The following PDCD10 variants were observed in gnomAD, a reference collection of about 807,000 sequenced individuals.
The protein encoded by PDCD10 is programmed cell death protein 10.
A neutral mutation model predicts 29.2 loss-of-function variants in PDCD10; 4 were observed. The observed-to-expected ratio is 0.14, with a 90% CI of 0.07 to 0.31. The LOEUF is 0.31. PDCD10 is among the 10% of genes least tolerant of loss of function. The pLI is 1.00. For missense variants in PDCD10, 183 were observed against 257.9 expected, an observed-to-expected ratio of 0.71 and a Z score of 1.99; for synonymous variants, 70 against 82.2, an observed-to-expected ratio of 0.85 and a Z score of 0.80.
chr3:167,725,577 G>C (rs1281302367), intron 2 of PDCD10: 1 of 151,456 alleles, frequency 6.6e-6, no homozygotes, highest in African/African-American at 2.4e-5. Context: ...TCCTTGACTT[G>C]CAAATTACAT....
intron 2 of PDCD10, chr3:167,725,256 C>CAAAAAAAAAAAA (rs1178264599): frequency 1.2e-5 from 1 of 84,172 alleles, no homozygotes; most frequent in African/African-American, 3.8e-5. Context: ...GACTCTGTCT[C>CAAAAAAAAAAAA]AAAAAAGAAA....
chr3:167,688,738 T>G (rs1191890534), intron 6 of PDCD10, among the ~76,000 whole-genome samples: 1 of 152,142 alleles, frequency 6.6e-6, no homozygotes, highest in Non-Finnish European at 1.5e-5. Flanking sequence ...AAGAAATGAA[T>G]AAGATGGAAA....
chr3:167,728,399 G>A (rs991178870), intron 2 of PDCD10, among the ~76,000 whole-genome samples: 1 of 152,140 alleles, frequency 6.6e-6, no homozygotes, highest in South Asian at 2.1e-4. Context: ...GTCTGAGGAG[G>A]CAGCCGGTGT....
At chr3:167,716,222 T>C (rs1262179028) in intron 3 of PDCD10, among the ~76,000 whole-genome samples, 1 of 151,812 alleles carries the variant, frequency 6.6e-6, no homozygotes, top group Non-Finnish European at 1.5e-5. Flanking sequence ...AATAAAATAA[T>C]TGAACTCATG....
chr3:167,725,766 TATATATA>T (rs1724073977), intron 2 of PDCD10, among the ~76,000 whole-genome samples: 5 of 6,438 alleles, frequency 7.8e-4, no homozygotes, highest in African/African-American at 3.5e-3. Context: ...GTATCGTTTA[TATATATA>T]TATATATATA....
At chr3:167,731,612 G>A (rs371740438) in intron 2 of PDCD10, among the ~76,000 whole-genome samples, 2 of 152,168 alleles carry the variant, frequency 1.3e-5, no homozygotes, top group African/African-American at 4.8e-5. Context: ...CATTCATTCA[G>A]CAAATATTTA....
intron 3 of PDCD10, among the ~76,000 whole-genome samples, chr3:167,711,046 A>G (rs1250221407): frequency 2.0e-5 from 3 of 152,164 alleles, no homozygotes; most frequent in African/African-American, 7.2e-5. Flanking sequence ...TCTTCCCAAG[A>G]AAGATGGGCA....
At chr3:167,703,083 G>A (rs754234726) in intron 4 of PDCD10, among the ~76,000 whole-genome samples, 6 of 151,710 alleles carry the variant, frequency 4.0e-5, no homozygotes, top group South Asian at 2.1e-4. Context: ...CTACTCCTTC[G>A]GACAGGGTCT....
At chr3:167,726,406 T>TG (rs1196299413) in intron 2 of PDCD10, among the ~76,000 whole-genome samples, 1 of 152,096 alleles carries the variant, frequency 6.6e-6, no homozygotes, top group African/African-American at 2.4e-5. Flanking sequence ...GCCAGAGTAC[T>TG]GTTTCTTAAT....
At chr3:167,719,209 GTAACAA>G (rs1723331259) in intron 3 of PDCD10, among the ~76,000 whole-genome samples, 1 of 152,034 alleles carries the variant, frequency 6.6e-6, no homozygotes, top group East Asian at 1.9e-4. Context: ...GACTATAACA[GTAACAA>G]TAAGGTTAAT....
Position 167,721,922 on chromosome 3 carries a change from G to A in PDCD10, c.-116-1649C>T, listed in dbSNP as rs118035651. On this transcript the variant is annotated intron_variant, in intron 2 of 8. Coordinates refer to ENST00000392750, the MANE Select transcript of PDCD10 (RefSeq NM_007217.4). Reference sequence around the variant, plus strand: ...AACTTAACAGACTCAGTATACCTATGTCAGAAATAAACAAGACCAAAATAA... The same window carrying A: ...AACTTAACAGACTCAGTATACCTATATCAGAAATAAACAAGACCAAAATAA... Among the ~76,000 whole-genome samples the A allele has an allele frequency of 4.9e-4, 74 of 152,216 alleles. No homozygotes were observed. The East Asian group carries it at 0.011, about 23-fold the overall frequency.
intron 3 of PDCD10, among the ~76,000 whole-genome samples, chr3:167,715,761 A>G (rs188737552): frequency 6.6e-6 from 1 of 152,208 alleles, no homozygotes; most frequent in East Asian, 1.9e-4. Context: ...ACAAGGAATA[A>G]CAAATGCTGG....
At chr3:167,714,199 G>A (rs1722787456) in intron 3 of PDCD10, among the ~76,000 whole-genome samples, 1 of 151,956 alleles carries the variant, frequency 6.6e-6, no homozygotes, top group African/African-American at 2.4e-5. Context: ...AATAACCAAG[G>A]AGATTTATCC....
chr3:167,690,469 T>C (rs756689309), intron 6 of PDCD10, among the ~76,000 whole-genome samples: 2 of 152,212 alleles, frequency 1.3e-5, no homozygotes, highest in Middle Eastern at 3.2e-3. Flanking sequence ...AATATGCAAA[T>C]GCAGATTACA....
intron 4 of PDCD10, among the ~76,000 whole-genome samples, chr3:167,700,158 T>C (rs1019864242): frequency 6.6e-6 from 1 of 152,166 alleles, no homozygotes; most frequent in Non-Finnish European, 1.5e-5. Context: ...TGTAATAAGT[T>C]TGAAGCCACC....
chr3:167,691,523 G>A (rs904124035), intron 6 of PDCD10, among the ~76,000 whole-genome samples: 2 of 152,146 alleles, frequency 1.3e-5, no homozygotes, highest in African/African-American at 4.8e-5. Flanking sequence ...TGCTAATAAT[G>A]TGGTTTTCAA....
Position 167,733,460 on chromosome 3 carries a change from A to G in PDCD10, c.-117+754T>C, listed in dbSNP as rs569570819. 2.0e-5 allele frequency among the ~76,000 whole-genome samples: 3 copies of G among 152,328 alleles called. No homozygotes were observed. In the South Asian group the frequency reaches 6.2e-4, roughly 32 times the overall value. ...CATTCTTCAATGTAAAGTAAGAATG[A>G]ATTGAAAGTCACAGTTGATGCTAAG... On this transcript the variant is annotated intron_variant, in intron 2 of 8. Transcript: ENST00000392750.
chr3:167,700,170 C>T (rs1463567684), intron 4 of PDCD10, among the ~76,000 whole-genome samples: 1 of 152,134 alleles, frequency 6.6e-6, no homozygotes, highest in Non-Finnish European at 1.5e-5. Context: ...GAAGCCACCT[C>T]CTGTTGCTAT....
At chr3:167,704,203 A>G (rs1721738150) in intron 4 of PDCD10, among the ~76,000 whole-genome samples, 1 of 152,180 alleles carries the variant, frequency 6.6e-6, no homozygotes, top group Non-Finnish European at 1.5e-5. Context: ...ATACCTTTTC[A>G]AGTTACACTT....
Sources: gnomAD v4.1 joint callset for allele counts (sites outside exome capture counted in the v4.1 genomes callset) on GRCh38, gnomAD v4.1.1 for gene constraint, MANE v1.5 for transcripts, NCBI Gene and HGNC (gene_info 2026-07-23, HGNC 2026-07-21) for gene names.